Variants in PDE1A observed in about 807,000 individuals in gnomAD.
PDE1A encodes phosphodiesterase 1A, also known as dual specificity calcium/calmodulin-dependent 3',5'-cyclic nucleotide phosphodiesterase 1A.
In PDE1A, 35 loss-of-function variants were observed where a neutral mutation model predicts 61.7. That is an observed-to-expected ratio of 0.57 (90% CI 0.43 to 0.75). PDE1A has a LOEUF of 0.75. Among genes scored for constraint, PDE1A ranks in the 30% least tolerant of loss-of-function variants. The pLI, the probability that PDE1A is intolerant of heterozygous loss-of-function variation, is 0.00. For synonymous variants in PDE1A, 232 were observed against 213.2 expected, an observed-to-expected ratio of 1.09 and a Z score of -0.77; for missense variants, 597 against 630.6, an observed-to-expected ratio of 0.95 and a Z score of 0.57.
chr2:182,436,369 T>C (rs146794430), intron 2 of PDE1A, among the ~76,000 whole-genome samples: 88 of 152,140 alleles, frequency 5.8e-4, no homozygotes, highest in African/African-American at 1.8e-3. Flanking sequence ...TTTTTGTACT[T>C]TTATTTTATT....
At chr2:182,292,372 A>T (rs1694595654) in intron 1 of PDE1A, among the ~76,000 whole-genome samples, 1 of 152,048 alleles carries the variant, frequency 6.6e-6, no homozygotes, top group South Asian at 2.1e-4. Flanking sequence ...TAAACAAAAA[A>T]ATTATCTTAC....
chr2:182,488,640 T>C (rs1443844757), intron 2 of PDE1A, among the ~76,000 whole-genome samples: 2 of 152,174 alleles, frequency 1.3e-5, no homozygotes, highest in East Asian at 3.8e-4. Context: ...TTTTTGAAAA[T>C]TGTAAATACA....
At chr2:182,550,586 C>G in the PDE1A span, among the ~76,000 whole-genome samples, 2 of 152,166 alleles carry the variant, frequency 1.3e-5, no homozygotes, top group African/African-American at 4.8e-5. Context: ...TGAACAATTA[C>G]GACGCTCCAG....
chr2:182,318,319 TA>T (rs747096056), intron 1 of PDE1A, among the ~76,000 whole-genome samples: 1 of 152,130 alleles, frequency 6.6e-6, no homozygotes, highest in Non-Finnish European at 1.5e-5. Flanking sequence ...ATTTTCAACC[TA>T]CACACACCCT....
chr2:182,225,776 A>G (rs1689093389), intron 6 of PDE1A, among the ~76,000 whole-genome samples: 1 of 150,144 alleles, frequency 6.7e-6, no homozygotes, highest in South Asian at 2.1e-4. Context: ...TGAATTGATA[A>G]AGGCATTAAA....
chr2:182,695,471 C>T, the PDE1A span, among the ~76,000 whole-genome samples: 5 of 151,958 alleles, frequency 3.3e-5, no homozygotes, highest in African/African-American at 1.2e-4. Context: ...GATAAGCCAT[C>T]CTGGCTAACA....
chr2:182,699,046 G>A, the PDE1A span, among the ~76,000 whole-genome samples: 1 of 152,148 alleles, frequency 6.6e-6, no homozygotes, highest in Admixed American at 6.5e-5. Context: ...AAGACTTCAC[G>A]TCTATCCCTG....
At chr2:182,226,950 ATTC>A (rs1391925347) in intron 6 of PDE1A, among the ~76,000 whole-genome samples, 1 of 151,984 alleles carries the variant, frequency 6.6e-6, no homozygotes, top group Non-Finnish European at 1.5e-5. Context: ...ATCTCATTTA[ATTC>A]TTAAAACCAC....
chr2:182,544,836 A>G, the PDE1A span, among the ~76,000 whole-genome samples: 8 of 151,980 alleles, frequency 5.3e-5, no homozygotes, highest in Non-Finnish European at 1.0e-4. Context: ...TTTCTGGTTC[A>G]TCTCCTTCTT....
chr2:182,713,567 A>G, the PDE1A span, among the ~76,000 whole-genome samples: 4 of 152,152 alleles, frequency 2.6e-5, no homozygotes, highest in East Asian at 1.9e-4. Flanking sequence ...GGAAGCAGAG[A>G]TTGCAATGAG....
chr2:182,343,461 T>C (rs1698326006), intron 1 of PDE1A, among the ~76,000 whole-genome samples: 1 of 152,248 alleles, frequency 6.6e-6, no homozygotes, highest in African/African-American at 2.4e-5. Context: ...AGGTGATCTT[T>C]GAATTTTATT....
rs35485908 is a variant in PDE1A at position 182,325,354 on chromosome 2, TA to T, written c.54-60941del. 1.4e-3 allele frequency among the ~76,000 whole-genome samples: 212 copies of T among 151,932 alleles called. 2 individuals are homozygous for T. In the South Asian group the frequency reaches 0.014, roughly 10 times the overall value. On this transcript the variant is annotated intron_variant, in intron 1 of 13. Coordinates refer to ENST00000351439, the Ensembl canonical transcript of PDE1A. ...AGATCTAACATAAAAGCTAAAACTA[TA>T]AAAAATCATAGAAGGAAACATAAGG...
chr2:182,591,650 C>G, the PDE1A span, among the ~76,000 whole-genome samples: 414 of 152,250 alleles, frequency 2.7e-3, 1 homozygote, highest in African/African-American at 9.4e-3. Flanking sequence ...TATCTACCCA[C>G]TAGATGTCAG....
chr2:182,549,185 A>C, the PDE1A span, among the ~76,000 whole-genome samples: 2 of 152,190 alleles, frequency 1.3e-5, no homozygotes, highest in Non-Finnish European at 2.9e-5. Context: ...TATTTGAGAT[A>C]TATTTGAATA....
the PDE1A span, among the ~76,000 whole-genome samples, chr2:182,529,111 TACAA>T: frequency 3.9e-5 from 6 of 152,138 alleles, no homozygotes; most frequent in Non-Finnish European, 8.8e-5. Flanking sequence ...ATAGCAGATC[TACAA>T]ACAGCTTGCA....
chr2:182,555,068 G>A, the PDE1A span, among the ~76,000 whole-genome samples: 8 of 152,260 alleles, frequency 5.3e-5, no homozygotes, highest in East Asian at 3.9e-4. Context: ...GTGAACAAAC[G>A]TAATCTGTTA....
chr2:182,303,521 G>A (rs1695378650), intron 1 of PDE1A, among the ~76,000 whole-genome samples: 1 of 152,172 alleles, frequency 6.6e-6, no homozygotes, highest in African/African-American at 2.4e-5. Flanking sequence ...CATTTCTAGA[G>A]CACAGGCAGA....
chr2:182,686,987 C>T, the PDE1A span, among the ~76,000 whole-genome samples: 126 of 152,308 alleles, frequency 8.3e-4, 2 homozygotes, highest in East Asian at 0.018. Flanking sequence ...GGGGGAGGGG[C>T]GCCCGCCATT....
the PDE1A span, among the ~76,000 whole-genome samples, chr2:182,537,468 G>A: frequency 6.6e-6 from 1 of 151,962 alleles, no homozygotes; most frequent in Non-Finnish European, 1.5e-5. Context: ...TGGACACAGG[G>A]AGGAGAACAT....
Sources: allele counts gnomAD v4.1 joint callset (sites outside exome capture counted in the v4.1 genomes callset), GRCh38; gene constraint gnomAD v4.1.1; transcripts MANE v1.5; gene names NCBI Gene and HGNC (gene_info 2026-07-23, HGNC 2026-07-21).